The following TRPM3 variants were observed in gnomAD, a reference collection of about 807,000 sequenced individuals.
The protein encoded by TRPM3 is transient receptor potential cation channel subfamily M member 3, also known as long transient receptor potential channel 3.
In TRPM3, 77 loss-of-function variants were observed where a neutral mutation model predicts 181.2. That is an observed-to-expected ratio of 0.42 (90% confidence interval 0.35 to 0.51). TRPM3 has a LOEUF of 0.51. TRPM3 is among the 20% of genes least tolerant of loss of function. The pLI is 0.01. For missense variants in TRPM3, 1,759 were observed against 2,196.7 expected (o/e 0.80, Z 3.98); for synonymous variants, 745 against 796.4 (o/e 0.94, Z 1.09).
chr9:70,978,930 C>T (rs1388388076), intron 1 of TRPM3, among the ~76,000 whole-genome samples: 1 of 152,072 alleles, frequency 6.6e-6, no homozygotes, highest in Non-Finnish European at 1.5e-5. Flanking sequence ...GAGAAGCATG[C>T]TAAAAAGAGA....
intron 7 of TRPM3, among the ~76,000 whole-genome samples, chr9:70,770,146 C>A: frequency 6.6e-6 from 1 of 152,192 alleles, no homozygotes; most frequent in Admixed American, 6.5e-5. Flanking sequence ...TGGCTCACAC[C>A]TATAATCCCA....
intron 1 of TRPM3, among the ~76,000 whole-genome samples, chr9:71,170,000 C>CAAAAAAA (rs34087746): frequency 1.3e-5 from 1 of 77,164 alleles, no homozygotes; most frequent in Non-Finnish European, 2.4e-5. Context: ...GACTCTGTCT[C>CAAAAAAA]AAAAAAAAAA....
intron 1 of TRPM3, among the ~76,000 whole-genome samples, chr9:70,905,088 A>T (rs2096443314): frequency 6.6e-6 from 1 of 152,214 alleles, no homozygotes; most frequent in South Asian, 2.1e-4. Flanking sequence ...GACTCCCATC[A>T]ATCATGGATT....
chr9:70,809,969 A>G (rs1363343526), intron 6 of TRPM3: 1 of 534,732 alleles, frequency 1.9e-6, no homozygotes, highest in South Asian at 1.4e-5. Flanking sequence ...AATGATCAAA[A>G]AAGATGCCAG....
At chr9:71,204,508 A>G (rs2079006286) in intron 1 of TRPM3, among the ~76,000 whole-genome samples, 1 of 152,172 alleles carries the variant, frequency 6.6e-6, no homozygotes. Flanking sequence ...CAAAACCACA[A>G]TGAGATACCA....
intron 6 of TRPM3, among the ~76,000 whole-genome samples, chr9:70,792,792 C>T (rs568778184): frequency 4.6e-5 from 7 of 151,924 alleles, no homozygotes; most frequent in South Asian, 2.1e-4. Flanking sequence ...TAGTTTTTTG[C>T]GTAAAGGCTA....
chr9:71,156,016 T>G (rs906129512), intron 1 of TRPM3, among the ~76,000 whole-genome samples: 1 of 152,100 alleles, frequency 6.6e-6, no homozygotes, highest in African/African-American at 2.4e-5. Flanking sequence ...CCAAATGTAT[T>G]TTTATTATAA....
chr9:70,626,131 T>C (rs1368504512), intron 12 of TRPM3, among the ~76,000 whole-genome samples: 1 of 152,224 alleles, frequency 6.6e-6, no homozygotes, highest in South Asian at 2.1e-4. Flanking sequence ...GTTTGCCATC[T>C]ATACATGCAA....
At chr9:70,548,205 G>T (rs568235886) in intron 25 of TRPM3, among the ~76,000 whole-genome samples, 1 of 152,340 alleles carries the variant, frequency 6.6e-6, no homozygotes, top group African/African-American at 2.4e-5. Context: ...CAAGGTCTCA[G>T]AATGAGAAAT....
intron 1 of TRPM3, among the ~76,000 whole-genome samples, chr9:70,869,507 T>C (rs965221136): frequency 3.3e-5 from 5 of 151,900 alleles, no homozygotes; most frequent in African/African-American, 1.2e-4. Context: ...TGTTCCACCA[T>C]CCCCAAAGAA....
chr9:70,843,129 TA>T lies in TRPM3; in HGVS notation c.677-3del, dbSNP rs3833697. The T allele has an allele frequency of 3.3e-4, 458 of 1,385,528 alleles. No individual in the cohort carries two copies. Among genetic ancestry groups the T allele is most frequent in the Admixed American group, 1.7e-3 (80 of 46,728 alleles). 85.8% of individuals were successfully genotyped at this position (1,385,528 alleles called of 1,614,324 possible). ...CATCGCCAACATGACGAATAACACCTAAAAAAAAAAGAGAAGCATTGATTTT... is the reference window on the plus strand; with the variant it reads ...CATCGCCAACATGACGAATAACACCTAAAAAAAAAGAGAAGCATTGATTTT... On this transcript the variant is annotated splice_region_variant and splice_polypyrimidine_tract_variant and intron_variant, in intron 4 of 25. Transcript: ENST00000677713.
chr9:71,087,619 T>G (rs1000549026), intron 1 of TRPM3, among the ~76,000 whole-genome samples: 5 of 152,088 alleles, frequency 3.3e-5, no homozygotes, highest in Non-Finnish European at 7.4e-5. Context: ...CCTCACTGCA[T>G]GACTGGGTAC....
intron 1 of TRPM3, among the ~76,000 whole-genome samples, chr9:71,136,062 G>A (rs1461008697): frequency 2.6e-5 from 4 of 152,194 alleles, no homozygotes; most frequent in African/African-American, 7.2e-5. Context: ...TGTCTGCTAT[G>A]TGTGTAGCAC....
chr9:70,620,436 A>G, intron 15 of TRPM3, 71 bp from the exon 16 acceptor site: 2 of 1,492,490 alleles, frequency 1.3e-6, no homozygotes, highest in East Asian at 4.6e-5. Flanking sequence ...TAGCAGTTGT[A>G]TATCTTCTCC....
At chr9:71,225,688 C>T (rs1282724602) in intron 1 of TRPM3, among the ~76,000 whole-genome samples, 1 of 151,976 alleles carries the variant, frequency 6.6e-6, no homozygotes, top group Non-Finnish European at 1.5e-5. Flanking sequence ...GAGATGGAGT[C>T]TTGCTGTCAC....
At chr9:70,616,129 G>C in intron 17 of TRPM3, 54 bp from the exon 18 acceptor site, 1 of 1,403,014 alleles carries the variant, frequency 7.1e-7, no homozygotes, top group Non-Finnish European at 9.6e-7. Flanking sequence ...ATTAAGATTA[G>C]GGTGGTTGTT....
intron 1 of TRPM3, among the ~76,000 whole-genome samples, chr9:70,998,230 C>G: frequency 8.5e-6 from 1 of 117,582 alleles, no homozygotes; most frequent in East Asian, 2.2e-4. Flanking sequence ...TATACATATA[C>G]ACACACACAC....
intron 1 of TRPM3, among the ~76,000 whole-genome samples, chr9:71,281,735 T>C (rs2084721951): frequency 6.6e-6 from 1 of 152,222 alleles, no homozygotes; most frequent in Non-Finnish European, 1.5e-5. Context: ...TGAGTGTACA[T>C]TAACATCCTC....
chr9:70,574,108 ACAC>A (rs1281575993), intron 22 of TRPM3, among the ~76,000 whole-genome samples: 2 of 151,954 alleles, frequency 1.3e-5, no homozygotes, highest in Middle Eastern at 3.2e-3. Flanking sequence ...ACACACACAC[ACAC>A]TACTAACACC....
Sources: gnomAD v4.1 joint callset for allele counts (sites outside exome capture counted in the v4.1 genomes callset) on GRCh38, gnomAD v4.1.1 for gene constraint, MANE v1.5 for transcripts, NCBI Gene and HGNC (gene_info 2026-07-23, HGNC 2026-07-21) for gene names.